MAP6: variants seen among roughly 807,000 people sequenced by gnomAD.
MAP6 encodes microtubule associated protein 6.
A neutral mutation model predicts 42.4 loss-of-function variants in MAP6; 26 were observed. The observed-to-expected ratio is 0.61, with a 90% CI of 0.45 to 0.85. MAP6 has a LOEUF of 0.85. MAP6 is among the 40% of genes least tolerant of loss of function. The pLI, the probability that MAP6 is intolerant of heterozygous loss-of-function variation, is 0.00. For missense variants in MAP6, 966 were observed against 1,099.0 expected, an observed-to-expected ratio of 0.88 and a Z score of 1.71; for synonymous variants, 418 against 443.8, an observed-to-expected ratio of 0.94 and a Z score of 0.73.
chr11:75,649,467 G>C (rs1031043872), intron 1 of MAP6, among the ~76,000 whole-genome samples: 3 of 151,884 alleles, frequency 2.0e-5, no homozygotes, highest in Non-Finnish European at 4.4e-5. Context: ...TAGTGGGGGG[G>C]AAAAATAACA....
chr11:75,608,591 C>T (rs1466076040), intron 1 of MAP6, among the ~76,000 whole-genome samples: 1 of 152,108 alleles, frequency 6.6e-6, no homozygotes, highest in Non-Finnish European at 1.5e-5. Flanking sequence ...CATGGGCAGG[C>T]AATTCTAATC....
chr11:75,601,306 C>T (rs1942660237), intron 3 of MAP6, among the ~76,000 whole-genome samples: 1 of 152,194 alleles, frequency 6.6e-6, no homozygotes, highest in South Asian at 2.1e-4. Context: ...GCCTGTCTTT[C>T]TTACCACCTC....
At chr11:75,632,546 C>T (rs1434120585) in intron 1 of MAP6, among the ~76,000 whole-genome samples, 1 of 152,166 alleles carries the variant, frequency 6.6e-6, no homozygotes, top group African/African-American at 2.4e-5. Context: ...TCAGTTACCA[C>T]CACTTTTGTT....
rs1944006733 is a variant in MAP6, at chr11:75,668,545, C to T, written c.-176G>A. On this transcript the variant is annotated 5_prime_UTR_variant, in exon 1 of 4. Coordinates refer to ENST00000304771, the MANE Select transcript of MAP6 (RefSeq NM_033063.2). ...CAGCGAGCACCCGGGGAGAGCTGTC[C>T]TAGGAGAGTCTGTAGAGTCCCTCGA... The T allele has an allele frequency of 1.2e-6, 1 of 848,566 alleles. No homozygotes were observed. Among genetic ancestry groups the T allele is most frequent in the Non-Finnish European group, 1.6e-6 (1 of 627,256 alleles). 52.6% of individuals were successfully genotyped at this position (848,566 alleles called of 1,614,324 possible). A position where few individuals can be genotyped will look rare whatever the true frequency, so the allele number is the denominator to read the frequency against.
intron 1 of MAP6, among the ~76,000 whole-genome samples, chr11:75,613,727 A>C (rs1327694681): frequency 2.0e-5 from 3 of 152,198 alleles, no homozygotes; most frequent in Non-Finnish European, 4.4e-5. Context: ...GGTGAACTGC[A>C]GATGAATGGG....
Position 75,619,681 on chromosome 11 carries a change from A to AT in MAP6, c.906-11360dup, listed in dbSNP as rs200612235. Among the ~76,000 whole-genome samples the AT allele has an allele frequency of 2.6e-4, 39 of 152,388 alleles. No individual in the cohort carries two copies. The East Asian group carries it at 7.3e-3, about 29-fold the overall frequency. On this transcript the variant is annotated intron_variant, in intron 1 of 3. Transcript: ENST00000304771. The stretch of plus-strand genomic sequence containing the variant: ...CTCCATCCATGTCCCTGCAAAGGAC[A>AT]TAAAAAAAGAAATATGTATCACATT...
intron 1 of MAP6, among the ~76,000 whole-genome samples, chr11:75,640,936 G>C (rs1943457827): frequency 6.6e-6 from 1 of 152,102 alleles, no homozygotes. Context: ...CGATTCCTCA[G>C]GGATCTAGAA....
intron 1 of MAP6, among the ~76,000 whole-genome samples, chr11:75,629,974 A>G (rs1472001438): frequency 1.3e-5 from 2 of 152,246 alleles, no homozygotes. Context: ...TAACTACAGC[A>G]AAGACAAGGC....
intron 1 of MAP6, among the ~76,000 whole-genome samples, chr11:75,613,974 T>C (rs1942952426): frequency 6.6e-6 from 1 of 152,180 alleles, no homozygotes; most frequent in South Asian, 2.1e-4. Flanking sequence ...AAGCAGGACT[T>C]TGGGATCTTG....
At chr11:75,603,679 C>G (rs1942706545) in intron 3 of MAP6, 1 of 985,124 alleles carries the variant, frequency 1.0e-6, no homozygotes, top group Admixed American at 6.2e-5. Context: ...TCATAGGGAT[C>G]AAGTCATGTG....
chr11:75,596,045 A>C (rs1002540255), intron 3 of MAP6: 1 of 152,234 alleles, frequency 6.6e-6, no homozygotes, highest in Non-Finnish European at 1.5e-5. Context: ...CATTTACATG[A>C]CATGAAAATG....
At chr11:75,642,602 G>T (rs1039983576) in intron 1 of MAP6, 9 of 180,938 alleles carry the variant, frequency 5.0e-5, no homozygotes, top group Non-Finnish European at 9.6e-5. Flanking sequence ...GCAAGACAAT[G>T]AAGAGAACAT....
At chr11:75,648,845 G>C (rs1943604129) in intron 1 of MAP6, among the ~76,000 whole-genome samples, 1 of 152,120 alleles carries the variant, frequency 6.6e-6, no homozygotes, top group Non-Finnish European at 1.5e-5. Flanking sequence ...TTCTTAATTT[G>C]ACTCAAAATC....
intron 1 of MAP6, among the ~76,000 whole-genome samples, chr11:75,621,639 G>T (rs952251960): frequency 4.7e-5 from 7 of 149,486 alleles, no homozygotes; most frequent in Admixed American, 2.7e-4. Flanking sequence ...TCAGGAATTG[G>T]CCGGGTAATC....
intron 1 of MAP6, among the ~76,000 whole-genome samples, chr11:75,622,529 G>A (rs147094356): frequency 7.6e-4 from 116 of 152,348 alleles, no homozygotes; most frequent in African/African-American, 2.8e-3. Flanking sequence ...TACTGCAAGA[G>A]TCAACATTGT....
intron 1 of MAP6, among the ~76,000 whole-genome samples, chr11:75,661,821 G>C (rs1943852503): frequency 1.3e-5 from 2 of 151,544 alleles, no homozygotes; most frequent in African/African-American, 4.9e-5. Flanking sequence ...CTAACCAACA[G>C]AGCAACACAC....
chr11:75,586,963 A>T lies in MAP6; in HGVS notation c.*96T>A. ...TATTAGATTCCAGCAAGACTACTGT[A>T]CATGTTTCATGCAGATTAAATATGT... On this transcript the variant is annotated 3_prime_UTR_variant, in exon 4 of 4. Coordinates refer to ENST00000304771, the MANE Select transcript of MAP6 (RefSeq NM_033063.2). 7.8e-7 allele frequency: 1 copy of T among 1,287,940 alleles called. No individual in the cohort carries two copies. The highest frequency in any genetic ancestry group is 1.1e-6 in the Non-Finnish European group (1 of 929,788). The allele number at this position is 1,287,940 out of a possible 1,614,324, so 79.8% of individuals were successfully genotyped here. A position where few individuals can be genotyped will look rare whatever the true frequency, so the allele number is the denominator to read the frequency against.
chr11:75,636,108 T>C (rs1436717256), intron 1 of MAP6: 4 of 152,186 alleles, frequency 2.6e-5, no homozygotes, highest in African/African-American at 9.7e-5. Context: ...GCACTTGAAA[T>C]GACCACTCCA....
chr11:75,626,257 T>A (rs1943191944), intron 1 of MAP6, among the ~76,000 whole-genome samples: 1 of 152,164 alleles, frequency 6.6e-6, no homozygotes, highest in South Asian at 2.1e-4. Flanking sequence ...TATGACTGCA[T>A]AAGAATCATG....
Sources: gnomAD v4.1 joint callset for allele counts (sites outside exome capture counted in the v4.1 genomes callset) on GRCh38, gnomAD v4.1.1 for gene constraint, MANE v1.5 for transcripts, NCBI Gene and HGNC (gene_info 2026-07-23, HGNC 2026-07-21) for gene names.